The following NDUFAF7 variants were observed in gnomAD, a reference collection of about 807,000 sequenced individuals.
NDUFAF7 encodes protein arginine methyltransferase NDUFAF7, mitochondrial.
In NDUFAF7, 48 loss-of-function variants were observed where a neutral mutation model predicts 47.2. That is an observed-to-expected ratio of 1.02 (90% CI 0.81 to 1.29). The LOEUF (loss-of-function observed/expected upper bound fraction) is 1.29. NDUFAF7 is among the 50% of genes most tolerant of loss of function. NDUFAF7 has a pLI of 0.00. For missense variants in NDUFAF7, 635 were observed against 537.6 expected (o/e 1.18, Z -1.79); for synonymous variants, 217 against 190.0 (o/e 1.14, Z -1.17).
the NDUFAF7 span, among the ~76,000 whole-genome samples, chr2:37,266,499 T>TG: frequency 3.3e-5 from 5 of 151,816 alleles, no homozygotes; most frequent in Non-Finnish European, 5.9e-5. Flanking sequence ...CTTTTTTTTT[T>TG]TTTTGAGATG....
downstream of NDUFAF7, among the ~76,000 whole-genome samples, chr2:37,253,767 TCCCTATAA>T (rs1377697797): frequency 1.3e-5 from 2 of 152,188 alleles, no homozygotes; most frequent in African/African-American, 4.8e-5. Flanking sequence ...TGCCTCTCAC[TCCCTATAA>T]AATAGTTCTA....
chr2:37,231,992 C>G, intron 1 of NDUFAF7, 114 bp from the exon 2 acceptor site: 1 of 1,603,412 alleles, frequency 6.2e-7, no homozygotes, highest in Non-Finnish European at 8.5e-7. Context: ...AGCCCGCGGT[C>G]TGCGGTGGGG....
downstream of NDUFAF7, chr2:37,256,747 A>G: frequency 6.2e-7 from 1 of 1,612,556 alleles, no homozygotes; most frequent in Non-Finnish European, 8.5e-7. Flanking sequence ...CATCCTCATT[A>G]AAAGGAAATG....
chr2:37,232,191 T>C lies in NDUFAF7; in HGVS notation c.141T>C (p.Leu47=). ...CGGTGACGCCGATGCTGCGGCATCTTATGTACAAAATAAAGTCTACTGGTC... is the reference window on the plus strand; with the variant it reads ...CGGTGACGCCGATGCTGCGGCATCTCATGTACAAAATAAAGTCTACTGGTC... ...ENPVTPMLRH[L]MYKIKSTGPI... is the part of the protein sequence containing the mutation. Residue 47 remains leucine (L), a synonymous_variant, in exon 2 of 10, where the codon CTT becomes CTC. Transcript: ENST00000002125. 1 of 1,614,162 alleles carries C rather than the reference T, an allele frequency of 6.2e-7. No individual in the cohort carries two copies. The highest frequency in any genetic ancestry group is 1.1e-5 in the South Asian group (1 of 91,082).
chr2:37,247,908 T>C (rs759419332), intron 9 of NDUFAF7, among the ~76,000 whole-genome samples: 4 of 152,238 alleles, frequency 2.6e-5, no homozygotes, highest in African/African-American at 4.8e-5. Context: ...ACCTAAACCT[T>C]ACTGTAGATC....
At chr2:37,243,606 CTA>C (rs1666586499) in intron 6 of NDUFAF7, among the ~76,000 whole-genome samples, 1 of 152,192 alleles carries the variant, frequency 6.6e-6, no homozygotes, top group East Asian at 1.9e-4. Context: ...CTTCCTGAGT[CTA>C]TTTCCGTTTT....
At chr2:37,254,238 C>T, downstream of NDUFAF7, 1 of 1,613,420 alleles carries the variant, frequency 6.2e-7, no homozygotes, top group Non-Finnish European at 8.5e-7. Flanking sequence ...TTTGTCAACA[C>T]TGTAACGTTT....
the NDUFAF7 span, chr2:37,269,733 C>CT: frequency 7.6e-7 from 1 of 1,309,504 alleles, no homozygotes; most frequent in Non-Finnish European, 1.1e-6. Context: ...TTCTATAATA[C>CT]AATGTCAACA....
chr2:37,242,551 A>C, intron 5 of NDUFAF7, 84 bp from the exon 6 acceptor site: 1 of 1,073,314 alleles, frequency 9.3e-7, no homozygotes. Context: ...TGGAGGAAGT[A>C]GGCATTTTTT....
At chr2:37,254,418 G>A (rs113207341), downstream of NDUFAF7, 140 of 660,176 alleles carry the variant, frequency 2.1e-4, no homozygotes, top group Middle Eastern at 2.0e-3. Context: ...CAAGGACGTG[G>A]ACTTTTAGCT....
At chr2:37,238,870 TTCA>T (rs1487746772) in intron 4 of NDUFAF7, among the ~76,000 whole-genome samples, 1 of 143,906 alleles carries the variant, frequency 6.9e-6, no homozygotes, top group Non-Finnish European at 1.5e-5. Flanking sequence ...AACAAGTCCA[TTCA>T]TAAAAGAGGA....
chr2:37,269,102 C>G, the NDUFAF7 span: 1 of 159,310 alleles, frequency 6.3e-6, no homozygotes, highest in South Asian at 1.8e-4. Flanking sequence ...ATGAGCTACA[C>G]AGGTCAGGTT....
rs1372180303 is a variant in NDUFAF7, at chr2:37,244,040, T to TA, written c.792+68dup. 12 of 1,332,494 alleles carry TA rather than the reference T, an allele frequency of 9.0e-6. No homozygotes were observed. In the African/African-American group the frequency reaches 1.8e-4, roughly 19 times the overall value. 82.5% of individuals were successfully genotyped at this position (1,332,494 alleles called of 1,614,324 possible). ...ATCTTCAAAGTCTTATTTTCTGAGT[T>TA]ACTACTTTAGAGTTTTAGAGTTCCT... On this transcript the variant is annotated intron_variant, in intron 7 of 9. Transcript: ENST00000002125.
At chr2:37,243,183 G>C (rs1666531051) in intron 6 of NDUFAF7, among the ~76,000 whole-genome samples, 2 of 152,198 alleles carry the variant, frequency 1.3e-5, no homozygotes, top group South Asian at 4.2e-4. Flanking sequence ...AGGCATGGTG[G>C]CTTACACCTG....
At chr2:37,255,797 A>AGAG (rs1442681015), downstream of NDUFAF7, among the ~76,000 whole-genome samples, 2 of 152,160 alleles carry the variant, frequency 1.3e-5, no homozygotes, top group African/African-American at 4.8e-5. Flanking sequence ...ATTGAGTGCA[A>AGAG]GAGTTTGACA....
At chr2:37,259,086 CAGAGAGTGCT>C in the NDUFAF7 span, among the ~76,000 whole-genome samples, 1 of 151,376 alleles carries the variant, frequency 6.6e-6, no homozygotes, top group Admixed American at 6.6e-5. Flanking sequence ...TAAGAAAAAT[CAGAGAGTGCT>C]ACATGTAGCC....
At chr2:37,252,933 C>T (rs1378600073), downstream of NDUFAF7, 2 of 290,144 alleles carry the variant, frequency 6.9e-6, no homozygotes, top group Non-Finnish European at 1.2e-5. Context: ...AAATACAAAA[C>T]CAGTTATTGC....
At chr2:37,256,667 C>T (rs1332261282), downstream of NDUFAF7, 10 of 907,618 alleles carry the variant, frequency 1.1e-5, no homozygotes, top group Non-Finnish European at 1.6e-5. Context: ...TTTACCTTCA[C>T]CAGAAATTTC....
downstream of NDUFAF7, chr2:37,252,864 A>ATATATATATATAT (rs1558516377): frequency 9.6e-6 from 1 of 103,676 alleles, no homozygotes; most frequent in Non-Finnish European, 2.0e-5. Context: ...TATATATATA[A>ATATATATATATAT]AGAGAAATGG....
Sources: gnomAD v4.1 joint callset for allele counts (sites outside exome capture counted in the v4.1 genomes callset) on GRCh38, gnomAD v4.1.1 for gene constraint, MANE v1.5 for transcripts, NCBI Gene and HGNC (gene_info 2026-07-23, HGNC 2026-07-21) for gene names.